The following DOCK3 variants were observed in gnomAD, a reference collection of about 807,000 sequenced individuals.
DOCK3 encodes dedicator of cytokinesis 3.
In DOCK3, 60 loss-of-function variants were observed where a neutral mutation model predicts 265.6. That is an observed-to-expected ratio of 0.23 (90% CI 0.18 to 0.28). The LOEUF (loss-of-function observed/expected upper bound fraction) is 0.28. Ranked by LOEUF, DOCK3 falls within the 10% of genes least tolerant of loss-of-function variation. DOCK3 has a pLI of 1.00. For synonymous variants in DOCK3, 881 were observed against 938.0 expected, an observed-to-expected ratio of 0.94 and a Z score of 1.11; for missense variants, 1,981 against 2,594.3, an observed-to-expected ratio of 0.76 and a Z score of 5.14.
At chr3:51,064,328 T>C (rs1400014624) in intron 5 of DOCK3, 120 bp from the exon 6 acceptor site, 10 of 1,296,082 alleles carry the variant, frequency 7.7e-6, no homozygotes, top group Non-Finnish European at 1.1e-5. Flanking sequence ...AGTTCCTCTT[T>C]ATATTACCTT....
At chr3:51,365,199 C>G (rs2087049455) in intron 49 of DOCK3, among the ~76,000 whole-genome samples, 1 of 152,188 alleles carries the variant, frequency 6.6e-6, no homozygotes, top group Non-Finnish European at 1.5e-5. Context: ...AGAGGTCCTT[C>G]ACATCCCTTA....
rs13326334 is a variant in DOCK3, at chr3:51,346,146, T to C, written c.3916-2706T>C. On this transcript the variant is annotated intron_variant, in intron 38 of 52. Coordinates refer to ENST00000266037, the MANE Select transcript of DOCK3 (RefSeq NM_004947.5). Reference sequence around the variant, plus strand: ...TCAATCTAACCAAAAGAGGTATATATATTTTTAATTATACTTTAAGTTCTA... The same window carrying C: ...TCAATCTAACCAAAAGAGGTATATACATTTTTAATTATACTTTAAGTTCTA... 2.9e-3 allele frequency among the ~76,000 whole-genome samples: 439 copies of C among 152,294 alleles called. 1 individual carries two copies. The highest frequency in any genetic ancestry group is 0.01 in the African/African-American group (419 of 41,564).
intron 3 of DOCK3, among the ~76,000 whole-genome samples, chr3:50,886,008 T>C (rs1377901078): frequency 6.6e-6 from 1 of 151,984 alleles, no homozygotes; most frequent in African/African-American, 2.4e-5. Context: ...TGTTGGAGTT[T>C]CTTTCTGTCT....
At chr3:50,878,020 T>G (rs909412278) in intron 3 of DOCK3, among the ~76,000 whole-genome samples, 1 of 152,106 alleles carries the variant, frequency 6.6e-6, no homozygotes, top group Non-Finnish European at 1.5e-5. Flanking sequence ...GTGTCTGGAG[T>G]GGACCTCCAG....
chr3:50,911,069 C>T (rs184238927), intron 4 of DOCK3, among the ~76,000 whole-genome samples: 100 of 151,760 alleles, frequency 6.6e-4, no homozygotes, highest in African/African-American at 2.3e-3. Context: ...AATCCTTTGT[C>T]ACATGAATAG....
intron 28 of DOCK3, among the ~76,000 whole-genome samples, chr3:51,310,895 A>T (rs914234683): frequency 6.6e-6 from 1 of 152,096 alleles, no homozygotes; most frequent in Non-Finnish European, 1.5e-5. Context: ...TGGCCTCCAC[A>T]CTCTAGCCCA....
At chr3:51,064,412 C>T (rs1238235711) in intron 5 of DOCK3, 36 bp from the exon 6 acceptor site, 1 of 1,610,634 alleles carries the variant, frequency 6.2e-7, no homozygotes, top group Non-Finnish European at 8.5e-7. Context: ...TTCCATGTCT[C>T]TTGTATTTCA....
intron 27 of DOCK3, among the ~76,000 whole-genome samples, chr3:51,299,988 A>G (rs2109320844): frequency 6.6e-6 from 1 of 152,278 alleles, no homozygotes; most frequent in South Asian, 2.1e-4. Flanking sequence ...CATTGAATCT[A>G]TAAATTACTT....
chr3:51,266,090 A>G (rs905994285), intron 23 of DOCK3, among the ~76,000 whole-genome samples: 5 of 152,214 alleles, frequency 3.3e-5, no homozygotes, highest in African/African-American at 1.2e-4. Context: ...TGCTACAAAG[A>G]TAATAAAATA....
chr3:51,014,659 G>A (rs1441069990), intron 5 of DOCK3, among the ~76,000 whole-genome samples: 1 of 152,032 alleles, frequency 6.6e-6, no homozygotes, highest in East Asian at 1.9e-4. Flanking sequence ...CCATACAGAT[G>A]TTAGGATTGT....
At chr3:51,042,591 A>G (rs886556655) in intron 5 of DOCK3, among the ~76,000 whole-genome samples, 2 of 152,196 alleles carry the variant, frequency 1.3e-5, no homozygotes, top group African/African-American at 4.8e-5. Flanking sequence ...AGTTCTGGCC[A>G]GGGCAGTCCA....
intron 12 of DOCK3, among the ~76,000 whole-genome samples, chr3:51,184,107 C>T (rs1367548540): frequency 2.0e-5 from 3 of 151,926 alleles, no homozygotes; most frequent in Admixed American, 6.6e-5. Context: ...GTCAGGAGTT[C>T]GAGAGCAGCC....
chr3:50,943,681 CAT>C (rs2076356143), intron 5 of DOCK3, among the ~76,000 whole-genome samples: 1 of 152,114 alleles, frequency 6.6e-6, no homozygotes, highest in African/African-American at 2.4e-5. Context: ...ACTGTAGAAA[CAT>C]ATAATCAGTA....
chr3:51,351,419 A>G (rs1345955502), intron 40 of DOCK3, among the ~76,000 whole-genome samples: 1 of 152,238 alleles, frequency 6.6e-6, no homozygotes, highest in African/African-American at 2.4e-5. Context: ...CTTTAAAAAA[A>G]GCTAGTCTGC....
At chr3:51,102,607 T>TAAC (rs2083131075) in intron 9 of DOCK3, among the ~76,000 whole-genome samples, 1 of 152,154 alleles carries the variant, frequency 6.6e-6, no homozygotes, top group Non-Finnish European at 1.5e-5. Context: ...TTAGGGTAAC[T>TAAC]AGAAATCAGC....
chr3:51,215,471 T>C (rs2089729436), intron 14 of DOCK3, among the ~76,000 whole-genome samples: 1 of 152,214 alleles, frequency 6.6e-6, no homozygotes, highest in Admixed American at 6.5e-5. Context: ...TTATTTGCTT[T>C]TGTTGTAAAG....
In DOCK3 at chr3:51,031,337, A is replaced by G. The variant is rs78343666; in HGVS notation, c.316-33111A>G. ...CACTGCAGTTTTTGTTACGTCTCCA[A>G]GAAAACTCTGGCCCATGATTATACC... On this transcript the variant is annotated intron_variant, in intron 5 of 52. Transcript: ENST00000266037. Among the ~76,000 whole-genome samples the G allele has an allele frequency of 9.8e-3, 1,494 of 152,278 alleles. 24 individuals carry two copies. Among genetic ancestry groups the G allele is most frequent in the African/African-American group, 0.035 (1,439 of 41,548 alleles).
chr3:51,163,520 GATACC>G (rs2086236297), intron 12 of DOCK3, among the ~76,000 whole-genome samples: 1 of 151,880 alleles, frequency 6.6e-6, no homozygotes, highest in Non-Finnish European at 1.5e-5. Flanking sequence ...GTCTGATATA[GATACC>G]ATATTTTTCT....
intron 9 of DOCK3, among the ~76,000 whole-genome samples, chr3:51,114,479 A>C (rs185868382): frequency 1.3e-5 from 2 of 152,290 alleles, no homozygotes; most frequent in East Asian, 3.9e-4. Context: ...TGGAGATTTT[A>C]GTTTAAATAA....
Sources: gnomAD v4.1 joint callset for allele counts (sites outside exome capture counted in the v4.1 genomes callset) on GRCh38, gnomAD v4.1.1 for gene constraint, MANE v1.5 for transcripts, NCBI Gene and HGNC (gene_info 2026-07-23, HGNC 2026-07-21) for gene names.